ARHGEF11: variants seen among roughly 807,000 people sequenced by gnomAD.
ARHGEF11 encodes Rho guanine nucleotide exchange factor 11.
ARHGEF11 carries 55 observed loss-of-function variants against 193.7 expected under a neutral mutation model. The ratio of observed to expected loss-of-function variants is 0.28; its 90% CI spans 0.23 to 0.36. ARHGEF11 has a LOEUF of 0.36. Ranked by LOEUF, ARHGEF11 falls within the 10% of genes least tolerant of loss-of-function variation. The probability of loss-of-function intolerance (pLI) is 1.00; values close to 1 mark genes in which losing one functional copy is unlikely to be tolerated. For missense variants in ARHGEF11, 1,723 were observed against 2,005.6 expected, an observed-to-expected ratio of 0.86 and a Z score of 2.69; for synonymous variants, 693 against 768.0, an observed-to-expected ratio of 0.90 and a Z score of 1.62.
chr1:156,993,451 T>C (rs1666059428), intron 1 of ARHGEF11, among the ~76,000 whole-genome samples: 1 of 152,092 alleles, frequency 6.6e-6, no homozygotes, highest in Non-Finnish European at 1.5e-5. Flanking sequence ...AATAGATGGA[T>C]AGAGAAAGAT....
At chr1:156,996,668 G>T (rs1666538754) in intron 1 of ARHGEF11, among the ~76,000 whole-genome samples, 2 of 150,922 alleles carry the variant, frequency 1.3e-5, no homozygotes, top group African/African-American at 4.9e-5. Flanking sequence ...AGCTACTCGG[G>T]AGGCTGAGGC....
At chr1:156,952,762 G>GT (rs1326052140) in intron 21 of ARHGEF11, among the ~76,000 whole-genome samples, 6 of 152,272 alleles carry the variant, frequency 3.9e-5, no homozygotes, top group African/African-American at 1.4e-4. Flanking sequence ...CTAAAACTGT[G>GT]TAAGTAGCTG....
chr1:157,026,130 G>A (rs573166582), intron 1 of ARHGEF11, among the ~76,000 whole-genome samples: 9 of 152,316 alleles, frequency 5.9e-5, no homozygotes, highest in African/African-American at 2.2e-4. Flanking sequence ...TCATTCTGCA[G>A]TCAGCGGCAG....
At chr1:157,012,042 C>G (rs919808122) in intron 1 of ARHGEF11, among the ~76,000 whole-genome samples, 3 of 152,044 alleles carry the variant, frequency 2.0e-5, no homozygotes, top group African/African-American at 4.8e-5. Context: ...TTCATAGTAG[C>G]AGTATTTACA....
upstream of ARHGEF11, among the ~76,000 whole-genome samples, chr1:157,046,788 G>T (rs566880049): frequency 2.8e-4 from 42 of 152,202 alleles, no homozygotes; most frequent in South Asian, 8.5e-3. Context: ...GCCGAGGCGG[G>T]GCCTGAGGTC....
intron 11 of ARHGEF11, 28 bp from the exon 12 acceptor site, chr1:156,963,622 T>G (rs368539793): frequency 2.7e-4 from 436 of 1,607,872 alleles, no homozygotes; most frequent in Non-Finnish European, 3.6e-4. Context: ...ATTGCAGAGA[T>G]GAGAGGTTAT....
intron 1 of ARHGEF11, among the ~76,000 whole-genome samples, chr1:157,042,312 T>C (rs909239912): frequency 4.6e-5 from 7 of 152,158 alleles, no homozygotes; most frequent in Admixed American, 1.3e-4. Flanking sequence ...AGGGAAGACC[T>C]TGACTGCTGA....
chr1:157,011,848 T>C (rs1483004690), intron 1 of ARHGEF11, among the ~76,000 whole-genome samples: 1 of 152,152 alleles, frequency 6.6e-6, no homozygotes, highest in African/African-American at 2.4e-5. Context: ...GGTGAGGATG[T>C]GGAGAAATGA....
At chr1:157,011,364 C>A (rs1171869801) in intron 1 of ARHGEF11, among the ~76,000 whole-genome samples, 1 of 152,048 alleles carries the variant, frequency 6.6e-6, no homozygotes, top group East Asian at 1.9e-4. Context: ...GATCACTGAC[C>A]TAACTGTAAA....
Position 156,980,475 on chromosome 1 carries a change from T to C in ARHGEF11, c.235A>G (p.Met79Val), listed in dbSNP as rs1170061026. Residue 79 changes from methionine (M) to valine (V), a missense_variant, in exon 4 of 41, where the codon ATG (methionine) becomes GTG (valine). Met to Val is a conservative substitution (Grantham distance 21). This residue lies in a region of ARHGEF11 where 646 missense variants were observed against 710.7 expected (regional missense o/e 0.91). Coordinates refer to ENST00000368194, the MANE Select transcript of ARHGEF11 (RefSeq NM_198236.3). ...VQSVRPGGAA[M>V]KAGVKEGDRI... is the part of the protein sequence containing the mutation. ...TCGCCCTCTTTCACACCGGCCTTCA[T>C]GGCTGCACCTCCTGTAAGGAGAAGG... 3.1e-6 allele frequency: 5 copies of C among 1,598,938 alleles called. No individual in the cohort carries two copies. The highest frequency in any genetic ancestry group is 2.7e-5 in the African/African-American group (2 of 74,768).
At chr1:156,965,998 A>C (rs908864411) in intron 11 of ARHGEF11, among the ~76,000 whole-genome samples, 1 of 152,224 alleles carries the variant, frequency 6.6e-6, no homozygotes, top group Admixed American at 6.5e-5. Context: ...GCCTACAGAG[A>C]TAAAGCATAT....
chr1:157,007,539 A>G (rs1667973995), intron 1 of ARHGEF11, among the ~76,000 whole-genome samples: 4 of 152,018 alleles, frequency 2.6e-5, no homozygotes, highest in Admixed American at 2.6e-4. Flanking sequence ...AGTGTCTGGC[A>G]CAAAACAGAA....
intron 1 of ARHGEF11, among the ~76,000 whole-genome samples, chr1:156,988,685 G>A (rs534325869): frequency 1.1e-4 from 17 of 152,306 alleles, no homozygotes; most frequent in Middle Eastern, 3.4e-3. Flanking sequence ...TTAGGGGCAT[G>A]GACAAAGACC....
At chr1:156,997,298 C>T (rs958636914) in intron 1 of ARHGEF11, among the ~76,000 whole-genome samples, 2 of 152,126 alleles carry the variant, frequency 1.3e-5, no homozygotes, top group African/African-American at 4.8e-5. Flanking sequence ...AGTAACATAT[C>T]ATTGCTAGGG....
intron 1 of ARHGEF11, among the ~76,000 whole-genome samples, chr1:157,012,599 G>T (rs536908175): frequency 2.0e-5 from 3 of 152,300 alleles, no homozygotes; most frequent in African/African-American, 7.2e-5. Flanking sequence ...TCTCATAAGA[G>T]ATTCTCAGAA....
In ARHGEF11 at chr1:156,954,938, C is replaced by T. The variant is rs1270772398; in HGVS notation, c.1769-17G>A. The T allele has an allele frequency of 6.3e-7, 1 of 1,598,440 alleles. No homozygotes were observed. Among genetic ancestry groups the T allele is most frequent in the African/African-American group, 1.3e-5 (1 of 74,120 alleles). Reference sequence around the variant, plus strand: ...TATGAAATGCTAAAAGAAAAACAAACAAAAACAAAAGTAAACCATGAAAAG... The same window carrying T: ...TATGAAATGCTAAAAGAAAAACAAATAAAAACAAAAGTAAACCATGAAAAG... On this transcript the variant is annotated splice_polypyrimidine_tract_variant and intron_variant, in intron 20 of 40. Transcript: ENST00000368194.
At chr1:156,941,282 G>T (rs1240261048) in intron 35 of ARHGEF11, 90 bp downstream of exon 35, 1 of 1,235,540 alleles carries the variant, frequency 8.1e-7, no homozygotes, top group Non-Finnish European at 1.2e-6. Flanking sequence ...GGCCCTGATG[G>T]ACTCTCCCAT....
intron 1 of ARHGEF11, among the ~76,000 whole-genome samples, chr1:157,012,826 T>C (rs1361307839): frequency 6.6e-6 from 1 of 152,218 alleles, no homozygotes; most frequent in Non-Finnish European, 1.5e-5. Context: ...TAAGTTTTAG[T>C]TGCAATCATC....
At chr1:156,961,563 A>G in intron 14 of ARHGEF11, 114 bp downstream of exon 14, 1 of 876,090 alleles carries the variant, frequency 1.1e-6, no homozygotes, top group Non-Finnish European at 1.8e-6. Context: ...CTCAGCCTAG[A>G]TTTCTCTTTA....
Sources: gnomAD v4.1 joint callset for allele counts (sites outside exome capture counted in the v4.1 genomes callset) on GRCh38, gnomAD v4.1.1 for gene constraint, gnomAD v4.1.1 regional missense constraint, MANE v1.5 for transcripts, NCBI Gene and HGNC (gene_info 2026-07-23, HGNC 2026-07-21) for gene names.